The following LMBRD1 variants were observed in gnomAD, a reference collection of about 807,000 sequenced individuals.
The protein encoded by LMBRD1 is LMBR1 domain containing 1.
Under a neutral mutation model 74.8 loss-of-function variants are expected in LMBRD1, and 64 were observed. That is an observed-to-expected ratio of 0.86 (90% CI 0.70 to 1.05). The LOEUF (loss-of-function observed/expected upper bound fraction) is 1.05. LMBRD1 is among the 50% of genes least tolerant of loss of function. The pLI, the probability that LMBRD1 is intolerant of heterozygous loss-of-function variation, is 0.00. For missense variants in LMBRD1, 652 were observed against 645.9 expected (o/e 1.01, Z -0.10); for synonymous variants, 204 against 216.3 (o/e 0.94, Z 0.50).
intron 5 of LMBRD1, among the ~76,000 whole-genome samples, chr6:69,742,795 A>C (rs1450429646): frequency 6.6e-6 from 1 of 152,034 alleles, no homozygotes. Context: ...TTACTCTAAA[A>C]TTTTCTTTTT....
chr6:69,767,494 T>C (rs998348935), intron 3 of LMBRD1, among the ~76,000 whole-genome samples: 6 of 151,862 alleles, frequency 4.0e-5, no homozygotes, highest in Non-Finnish European at 7.4e-5. Context: ...GCCAAATACT[T>C]GTGGATTGCC....
intron 7 of LMBRD1, among the ~76,000 whole-genome samples, chr6:69,729,268 G>A (rs145193578): frequency 1.2e-4 from 18 of 148,742 alleles, no homozygotes; most frequent in South Asian, 2.2e-4. Flanking sequence ...TCAGGTCTCG[G>A]TTTAATTACA....
At chr6:69,687,406 G>T (rs1363580651) in intron 14 of LMBRD1, among the ~76,000 whole-genome samples, 1 of 152,052 alleles carries the variant, frequency 6.6e-6, no homozygotes, top group East Asian at 1.9e-4. Flanking sequence ...AGCTCCATGG[G>T]GACAGGGATA....
chr6:69,718,167 A>G (rs1228447267), intron 8 of LMBRD1, among the ~76,000 whole-genome samples: 1 of 152,120 alleles, frequency 6.6e-6, no homozygotes, highest in Non-Finnish European at 1.5e-5. Context: ...TTACTTGAAG[A>G]CGACAGAGGA....
At chr6:69,681,088 AT>A (rs1428795189) in intron 14 of LMBRD1, among the ~76,000 whole-genome samples, 1 of 152,104 alleles carries the variant, frequency 6.6e-6, no homozygotes, top group Non-Finnish European at 1.5e-5. Context: ...ATATAATTGA[AT>A]TAAAGATTAA....
intron 1 of LMBRD1, 78 bp from the exon 2 acceptor site, chr6:69,790,550 A>G: frequency 7.0e-7 from 1 of 1,434,582 alleles, no homozygotes; most frequent in South Asian, 1.2e-5. Context: ...GAAAGTTTCT[A>G]GCAGGAAACC....
rs185498549 is a variant in LMBRD1, at chr6:69,745,350, C to T, written c.474-3473G>A. Among the ~76,000 whole-genome samples, 714 of 150,830 alleles carry T rather than the reference C, an allele frequency of 4.7e-3. 8 individuals carry two copies. Among genetic ancestry groups the T allele is most frequent in the Middle Eastern group, 0.017 (5 of 290 alleles). ...CTCGGCTCACTGCAAGCTCCGCTTC[C>T]CGGGTTCACGCCATTCTCCTGCCTC... is the stretch of plus-strand genomic sequence containing the variant. On this transcript the variant is annotated intron_variant, in intron 5 of 15. Transcript: ENST00000649934.
chr6:69,765,776 ATCT>A (rs897016302), intron 3 of LMBRD1, among the ~76,000 whole-genome samples: 17 of 152,068 alleles, frequency 1.1e-4, no homozygotes, highest in African/African-American at 3.6e-4. Context: ...GTTTATTTAA[ATCT>A]TCTTTAGTTT....
intron 3 of LMBRD1, among the ~76,000 whole-genome samples, chr6:69,753,172 T>C (rs1318858578): frequency 6.6e-6 from 1 of 152,216 alleles, no homozygotes; most frequent in African/African-American, 2.4e-5. Flanking sequence ...AAATTCAATA[T>C]AGAGCTTAAG....
At chr6:69,731,754 T>C (rs1766863249) in intron 7 of LMBRD1, among the ~76,000 whole-genome samples, 1 of 152,128 alleles carries the variant, frequency 6.6e-6, no homozygotes, top group Non-Finnish European at 1.5e-5. Flanking sequence ...ATTTTCAAAC[T>C]GAAAATATTT....
At chr6:69,706,090 TG>T in intron 9 of LMBRD1, 1 of 666,556 alleles carries the variant, frequency 1.5e-6, no homozygotes, top group East Asian at 3.2e-5. Flanking sequence ...TTTGTCAGCC[TG>T]TAGTTCACAA....
intron 3 of LMBRD1, among the ~76,000 whole-genome samples, chr6:69,774,593 TATAAAG>T (rs1337649964): frequency 6.6e-6 from 1 of 152,060 alleles, no homozygotes; most frequent in Non-Finnish European, 1.5e-5. Context: ...AGAGGCCAAA[TATAAAG>T]ATAAAAATAA....
Position 69,719,038 on chromosome 6 carries a change from G to C in LMBRD1, c.680C>G (p.Thr227Ser). 6.2e-7 allele frequency: 1 copy of C among 1,612,772 alleles called. No individual in the cohort carries two copies. The highest frequency in any genetic ancestry group is 8.5e-7 in the Non-Finnish European group (1 of 1,179,046). Residue 227 changes from threonine (T) to serine (S), a missense_variant, in exon 8 of 16, where the codon ACT (threonine) becomes AGT (serine). Physicochemically the swap from Thr to Ser is moderately conservative, Grantham distance 58. Transcript: ENST00000649934. Reference sequence around the variant, plus strand: ...CAAACGTTCATAAGCAGCGCTTCTAGTGCCTTTTATCAGATTTAAAGGTAA... The same window carrying C: ...CAAACGTTCATAAGCAGCGCTTCTACTGCCTTTTATCAGATTTAAAGGTAA... ...SALPLNLIKG[T>S]RSAAYERLEN...
chr6:69,726,768 T>TA (rs1386174794), intron 7 of LMBRD1, among the ~76,000 whole-genome samples: 6 of 136,178 alleles, frequency 4.4e-5, no homozygotes, highest in Non-Finnish European at 8.1e-5. Flanking sequence ...TAAGGATGGT[T>TA]ACTAGGTACA....
At chr6:69,724,308 T>C (rs1766678206) in intron 7 of LMBRD1, among the ~76,000 whole-genome samples, 1 of 145,490 alleles carries the variant, frequency 6.9e-6, no homozygotes, top group Non-Finnish European at 1.5e-5. Context: ...AGTTCTAGTT[T>C]CATTCTATAA....
At chr6:69,753,323 T>A (rs182324057) in intron 3 of LMBRD1, among the ~76,000 whole-genome samples, 18 of 152,292 alleles carry the variant, frequency 1.2e-4, no homozygotes, top group Admixed American at 3.3e-4. Flanking sequence ...AGTACCAGTA[T>A]AATTATATAA....
intron 7 of LMBRD1, among the ~76,000 whole-genome samples, chr6:69,728,271 C>A (rs78050620): frequency 0.023 from 3,465 of 152,258 alleles, 61 homozygotes; most frequent in Middle Eastern, 0.068. Context: ...AACCATTAGA[C>A]ACTACCCCGA....
At chr6:69,723,366 A>T (rs939949174) in intron 7 of LMBRD1, among the ~76,000 whole-genome samples, 1 of 152,192 alleles carries the variant, frequency 6.6e-6, no homozygotes, top group Non-Finnish European at 1.5e-5. Context: ...TGTGGAATAC[A>T]TATTCTTTTC....
At chr6:69,726,015 AAGG>A (rs761800360) in intron 7 of LMBRD1, among the ~76,000 whole-genome samples, 1 of 152,192 alleles carries the variant, frequency 6.6e-6, no homozygotes, top group Non-Finnish European at 1.5e-5. Flanking sequence ...CAAAATATAT[AAGG>A]AGCTCAAACA....
Sources: allele counts gnomAD v4.1 joint callset (sites outside exome capture counted in the v4.1 genomes callset), GRCh38; gene constraint gnomAD v4.1.1; transcripts MANE v1.5; gene names NCBI Gene and HGNC (gene_info 2026-07-23, HGNC 2026-07-21).